Variants in MPP7 observed in about 807,000 individuals in gnomAD.
MPP7 encodes the protein MAGUK p55 subfamily member 7.
MPP7 carries 60 observed loss-of-function variants against 76.5 expected under a neutral mutation model. The observed-to-expected ratio is 0.78, with a 90% CI of 0.64 to 0.97. The LOEUF (loss-of-function observed/expected upper bound fraction) is 0.97. Ranked by LOEUF, MPP7 falls within the 50% of genes least tolerant of loss-of-function variation. The pLI is 0.00. For missense variants in MPP7, 641 were observed against 694.0 expected (o/e 0.92, Z 0.86); for synonymous variants, 237 against 244.5 (o/e 0.97, Z 0.29).
intron 3 of MPP7, among the ~76,000 whole-genome samples, chr10:28,158,165 A>G (rs1836132668): frequency 6.6e-6 from 1 of 152,178 alleles, no homozygotes; most frequent in Admixed American, 6.5e-5. Context: ...TTCTTGCCCC[A>G]AAACTGATGA....
At chr10:28,330,994 T>A (rs1457127718) in intron 1 of MPP7, among the ~76,000 whole-genome samples, 1 of 152,144 alleles carries the variant, frequency 6.6e-6, no homozygotes, top group Non-Finnish European at 1.5e-5. Flanking sequence ...CACAGTACCG[T>A]ATTCATTTTG....
At chr10:28,099,208 C>T (rs1429210674) in intron 11 of MPP7, among the ~76,000 whole-genome samples, 1 of 152,112 alleles carries the variant, frequency 6.6e-6, no homozygotes, top group Non-Finnish European at 1.5e-5. Context: ...ATACTAACAG[C>T]CTCCAAAAAA....
intron 1 of MPP7, among the ~76,000 whole-genome samples, chr10:28,260,769 CAAAAAA>C (rs772017051): frequency 0.077 from 5,264 of 68,262 alleles, 141 homozygotes; most frequent in South Asian, 0.16. Context: ...GACTCCATCT[CAAAAAA>C]AAAAAAAAAA....
intron 7 of MPP7, among the ~76,000 whole-genome samples, chr10:28,124,718 C>T (rs1298809191): frequency 6.6e-6 from 1 of 151,602 alleles, no homozygotes; most frequent in Non-Finnish European, 1.5e-5. Flanking sequence ...CTCCTGACCT[C>T]GTGATCCACC....
chr10:28,118,899 T>C (rs1490795882), intron 11 of MPP7: 17 of 985,308 alleles, frequency 1.7e-5, no homozygotes, highest in Non-Finnish European at 1.9e-5. Context: ...GTCATTTCGC[T>C]GTTTAATGTA....
intron 3 of MPP7, among the ~76,000 whole-genome samples, chr10:28,187,818 C>A (rs1441125656): frequency 2.0e-5 from 3 of 152,146 alleles, no homozygotes; most frequent in Non-Finnish European, 4.4e-5. Context: ...TTTATAAAAC[C>A]ATTCCTCAAT....
chr10:28,240,560 A>C (rs1839234516), intron 1 of MPP7, among the ~76,000 whole-genome samples: 1 of 152,150 alleles, frequency 6.6e-6, no homozygotes, highest in Non-Finnish European at 1.5e-5. Context: ...TTTAAAATAT[A>C]AGAATTGTTA....
intron 1 of MPP7, among the ~76,000 whole-genome samples, chr10:28,300,389 T>C (rs113577804): frequency 0.025 from 3,801 of 152,288 alleles, 164 homozygotes; most frequent in African/African-American, 0.087. Flanking sequence ...GCAAGAGGGC[T>C]GGGCTTATGA....
chr10:28,162,518 G>A (rs774328794), intron 3 of MPP7, among the ~76,000 whole-genome samples: 1 of 152,142 alleles, frequency 6.6e-6, no homozygotes, highest in Non-Finnish European at 1.5e-5. Context: ...AAAGAAAGTG[G>A]ACAAGTATGG....
rs527527556 is a variant in MPP7, at chr10:28,188,742, G to C, written c.156+13411C>G. 2.7e-5 allele frequency among the ~76,000 whole-genome samples: 4 copies of C among 150,118 alleles called. No individual in the cohort carries two copies. In the East Asian group the frequency reaches 9.3e-4, roughly 35 times the overall value. On this transcript the variant is annotated intron_variant, in intron 3 of 16. Transcript: ENST00000683449. ...GGGAAAAAATACTTTACCTCTAGAGGACAAGGATAAGAATTACTTCAGGCT... is the reference window on the plus strand; with the variant it reads ...GGGAAAAAATACTTTACCTCTAGAGCACAAGGATAAGAATTACTTCAGGCT...
upstream of MPP7, among the ~76,000 whole-genome samples, chr10:28,304,492 T>C (rs1200669470): frequency 1.3e-5 from 2 of 152,186 alleles, no homozygotes; most frequent in Non-Finnish European, 2.9e-5. Flanking sequence ...CAAGAAATTC[T>C]TTTTTCTCTC....
chr10:28,236,938 A>C (rs1839097483), intron 2 of MPP7: 2 of 152,126 alleles, frequency 1.3e-5, no homozygotes, highest in South Asian at 4.1e-4. Flanking sequence ...CTTTGCTCAA[A>C]CCTTGTGGGG....
intron 13 of MPP7, among the ~76,000 whole-genome samples, chr10:28,064,072 T>G (rs1207436022): frequency 6.6e-6 from 1 of 152,144 alleles, no homozygotes; most frequent in African/African-American, 2.4e-5. Flanking sequence ...AGCATTCCAC[T>G]CCTACATAGT....
chr10:28,265,978 T>C (rs907184285), intron 1 of MPP7, among the ~76,000 whole-genome samples: 1 of 152,030 alleles, frequency 6.6e-6, no homozygotes, highest in African/African-American at 2.4e-5. Context: ...CTGTTTTGTT[T>C]TGTTTTGGAG....
At chr10:28,119,605 T>C in intron 11 of MPP7, 46 bp downstream of exon 11, 1 of 1,522,410 alleles carries the variant, frequency 6.6e-7, no homozygotes. Context: ...TAGTCAAAAA[T>C]AAACATCAGG....
chr10:28,177,221 C>T (rs1024891069), intron 3 of MPP7, among the ~76,000 whole-genome samples: 1 of 147,340 alleles, frequency 6.8e-6, no homozygotes, highest in Non-Finnish European at 1.5e-5. Context: ...TCGAGACCAG[C>T]CTGGCCAACA....
At chr10:28,312,160 G>A (rs112779029) in intron 2 of MPP7, among the ~76,000 whole-genome samples, 71 of 152,246 alleles carry the variant, frequency 4.7e-4, no homozygotes, top group African/African-American at 1.1e-3. Flanking sequence ...GCTGATTGTC[G>A]CTGCTGGCTG....
chr10:28,130,035 T>C (rs1835142940), intron 6 of MPP7, among the ~76,000 whole-genome samples: 1 of 152,192 alleles, frequency 6.6e-6, no homozygotes, highest in Non-Finnish European at 1.5e-5. Context: ...ATAACCTGTG[T>C]TCACAGCCTG....
At chr10:28,316,911 T>C (rs2133179960) in intron 2 of MPP7, among the ~76,000 whole-genome samples, 1 of 152,298 alleles carries the variant, frequency 6.6e-6, no homozygotes, top group South Asian at 2.1e-4. Flanking sequence ...AGCTCATTAC[T>C]TCAGCCTGGG....
Sources: gnomAD v4.1 joint callset for allele counts (sites outside exome capture counted in the v4.1 genomes callset) on GRCh38, gnomAD v4.1.1 for gene constraint, MANE v1.5 for transcripts, NCBI Gene and HGNC (gene_info 2026-07-23, HGNC 2026-07-21) for gene names.